STON2: variants seen among roughly 807,000 people sequenced by gnomAD.
STON2 encodes the protein stonin 2.
A neutral mutation model predicts 65.7 loss-of-function variants in STON2; 29 were observed. The ratio of observed to expected loss-of-function variants is 0.44; its 90% CI spans 0.33 to 0.60. STON2 has a LOEUF of 0.60. STON2 is among the 20% of genes least tolerant of loss of function. The pLI, the probability that STON2 is intolerant of heterozygous loss-of-function variation, is 0.03. For missense variants in STON2, 1,054 were observed against 1,118.1 expected (o/e 0.94, Z 0.82); for synonymous variants, 404 against 414.2 (o/e 0.98, Z 0.30).
chr14:81,409,440 T>C (rs1011052537), intron 2 of STON2, among the ~76,000 whole-genome samples: 5 of 150,312 alleles, frequency 3.3e-5, no homozygotes, highest in African/African-American at 1.2e-4. Context: ...AATATATATA[T>C]ATATATTTAC....
In STON2 at chr14:81,346,511, TAC is replaced by T. The variant is rs1331311673; in HGVS notation, c.572-22326_572-22325del. On this transcript the variant is annotated intron_variant, in intron 4 of 7. Coordinates refer to ENST00000614646, the MANE Select transcript of STON2 (RefSeq NM_001394390.1). ...GAGACTTTCTATAGCCACATTTCATTACAGTGTCAAATTTGTTGTTAAGAAAA... is the reference window on the plus strand; with the variant it reads ...GAGACTTTCTATAGCCACATTTCATTAGTGTCAAATTTGTTGTTAAGAAAA... Among the ~76,000 whole-genome samples the T allele has an allele frequency of 2.6e-5, 4 of 152,298 alleles. No individual in the cohort carries two copies. In the East Asian group the frequency reaches 7.7e-4, roughly 29 times the overall value.
At chr14:81,355,299 T>A (rs1244116008) in intron 4 of STON2, among the ~76,000 whole-genome samples, 1 of 150,564 alleles carries the variant, frequency 6.6e-6, no homozygotes, top group Non-Finnish European at 1.5e-5. Context: ...AGTGCAGAAG[T>A]CTCCAATAAA....
At chr14:81,379,426 G>C (rs1047244126) in intron 3 of STON2, among the ~76,000 whole-genome samples, 10 of 152,168 alleles carry the variant, frequency 6.6e-5, no homozygotes, top group African/African-American at 2.2e-4. Context: ...TATGGAGATA[G>C]AGATAAATAG....
At chr14:81,304,567 A>G (rs569645220) in intron 5 of STON2, among the ~76,000 whole-genome samples, 1 of 152,224 alleles carries the variant, frequency 6.6e-6, no homozygotes, top group South Asian at 2.1e-4. Flanking sequence ...CACAAAAAAT[A>G]TCAAAAATTA....
chr14:81,375,897 T>A (rs1417911284), intron 3 of STON2, among the ~76,000 whole-genome samples: 2 of 151,094 alleles, frequency 1.3e-5, no homozygotes, highest in Non-Finnish European at 3.0e-5. Context: ...GGTTAACTAG[T>A]ATCTAGTTGT....
At chr14:81,415,960 C>T (rs1901411404) in intron 2 of STON2, among the ~76,000 whole-genome samples, 1 of 152,202 alleles carries the variant, frequency 6.6e-6, no homozygotes. Flanking sequence ...TACTAAGGAG[C>T]ATGACCAAAG....
At position 81,267,015 on chromosome 14, in the gene STON2, T is replaced by TGTTCATTG; in HGVS notation, c.*1391_*1398dup. On this transcript the variant is annotated 3_prime_UTR_variant, in exon 8 of 8. Transcript: ENST00000614646. ...CAATACACATTTAGACTCCAATGAT[T>TGTTCATTG]GTTCATTGAATACATTAATCTTGAA... 1 of 985,368 alleles carries TGTTCATTG rather than the reference T, an allele frequency of 1.0e-6. No homozygotes were observed. Among genetic ancestry groups the TGTTCATTG allele is most frequent in the Middle Eastern group, 5.2e-4 (1 of 1,914 alleles). The allele number at this position is 985,368 out of a possible 1,614,324, so 61.0% of individuals were successfully genotyped here.
At chr14:81,398,946 T>C (rs944095177) in intron 1 of STON2, among the ~76,000 whole-genome samples, 2 of 152,364 alleles carry the variant, frequency 1.3e-5, no homozygotes, top group African/African-American at 4.8e-5. Flanking sequence ...GCTGGCAAAA[T>C]AAAAGCATGT....
chr14:81,332,186 C>T (rs1450094953), intron 4 of STON2, among the ~76,000 whole-genome samples: 2 of 152,144 alleles, frequency 1.3e-5, no homozygotes, highest in Non-Finnish European at 2.9e-5. Flanking sequence ...CACAGATGGG[C>T]ACTTTTCGGG....
At chr14:81,295,669 C>T (rs1206488849) in intron 5 of STON2, among the ~76,000 whole-genome samples, 1 of 152,166 alleles carries the variant, frequency 6.6e-6, no homozygotes, top group Non-Finnish European at 1.5e-5. Context: ...GTATTCTTTG[C>T]CTCCAATGAA....
rs374418790 is a variant in STON2 at position 81,277,301 on chromosome 14, G to A, written c.2181C>T (p.Cys727=). The stretch of plus-strand genomic sequence containing the variant: ...TCCTGAACCGCATTAGCTCAAACCG[G>A]CACGCATCCAAAGGGTTGAACAGAA... ...RVILFNPLDA[C]RFELMRFRTV... Residue 727 remains cysteine, a synonymous_variant, in exon 6 of 8, where the codon TGC becomes TGT. Coordinates refer to ENST00000614646, the MANE Select transcript of STON2 (RefSeq NM_001394390.1). The A allele has an allele frequency of 1.9e-6, 3 of 1,614,192 alleles. No homozygotes were observed. Among genetic ancestry groups the A allele is most frequent in the East Asian group, 2.2e-5 (1 of 44,886 alleles).
In STON2 at chr14:81,277,152, A is replaced by AG. The variant is rs760038848; in HGVS notation, c.2329dup (p.Leu777ProfsTer7). 1.9e-6 allele frequency: 3 copies of AG among 1,614,190 alleles called. No individual in the cohort carries two copies. Among genetic ancestry groups the AG allele is most frequent in the Non-Finnish European group, 2.5e-6 (3 of 1,180,034 alleles). Reference sequence around the variant, plus strand: ...CACATTCTCACAGGGAACCTGAGTGAGGGGGTCACGATTGGCGGAGAAGCC... The same window carrying AG: ...CACATTCTCACAGGGAACCTGAGTGAGGGGGGTCACGATTGGCGGAGAAGCC... On this transcript the variant is annotated frameshift_variant, in exon 6 of 8. Coordinates refer to ENST00000614646, the MANE Select transcript of STON2 (RefSeq NM_001394390.1). LOFTEE classifies it high-confidence loss of function.
At position 81,261,961 on chromosome 14, in the gene STON2, A is replaced by AAG. The variant is rs539791070; in HGVS notation, c.*6451_*6452dup. 163 of 1,418,916 alleles carry AAG rather than the reference A, an allele frequency of 1.1e-4. No individual in the cohort carries two copies. The highest frequency in any genetic ancestry group is 4.2e-4 in the African/African-American group (29 of 68,636). The allele number at this position is 1,418,916 out of a possible 1,614,324, so 87.9% of individuals were successfully genotyped here. ...GGAAATGATAAAAAAAAAAAAAAAA[A>AAG]AGAGAGAGATGTGAAAAGGAAAAAG... On this transcript the variant is annotated 3_prime_UTR_variant, in exon 8 of 8. Coordinates refer to ENST00000614646, the MANE Select transcript of STON2 (RefSeq NM_001394390.1).
chr14:81,348,240 A>G (rs1897894062), intron 4 of STON2, among the ~76,000 whole-genome samples: 2 of 152,204 alleles, frequency 1.3e-5, no homozygotes, highest in Admixed American at 1.3e-4. Flanking sequence ...CCTATTCATC[A>G]TAGTACTGGA....
chr14:81,390,573 AAAACAAAAAAC>A (rs1900032432), intron 3 of STON2, among the ~76,000 whole-genome samples: 1 of 152,024 alleles, frequency 6.6e-6, no homozygotes, highest in South Asian at 2.1e-4. Context: ...CTCAAAAAAC[AAAACAAAAAAC>A]AAACAAACAA....
intron 2 of STON2, among the ~76,000 whole-genome samples, chr14:81,407,713 G>T (rs1237950407): frequency 2.0e-5 from 3 of 152,060 alleles, no homozygotes; most frequent in Non-Finnish European, 4.4e-5. Flanking sequence ...GCATCTAAAG[G>T]TCAAATCAAA....
intron 5 of STON2, among the ~76,000 whole-genome samples, chr14:81,306,370 A>G (rs1896185413): frequency 7.7e-6 from 1 of 129,214 alleles, no homozygotes; most frequent in African/African-American, 3.0e-5. Context: ...ATGGGACTAC[A>G]GGCGCCATAT....
In STON2 at chr14:81,277,139, G is replaced by C; in HGVS notation, c.2343C>G (p.Pro781=). Residue 781 remains proline, a synonymous_variant, in exon 6 of 8, where the codon CCC becomes CCG. Transcript: ENST00000614646. ...GGTAACGGATCATCACATTCTCACA[G>C]GGAACCTGAGTGAGGGGGTCACGAT... ...SANRDPLTQV[P]CENVMIRYPV... is the part of the protein sequence containing the mutation. 6.2e-7 allele frequency: 1 copy of C among 1,614,144 alleles called. No individual in the cohort carries two copies. The highest frequency in any genetic ancestry group is 8.5e-7 in the Non-Finnish European group (1 of 1,180,042).
intron 3 of STON2, among the ~76,000 whole-genome samples, chr14:81,380,694 C>T (rs1450924456): frequency 6.6e-6 from 1 of 152,160 alleles, no homozygotes; most frequent in Non-Finnish European, 1.5e-5. Flanking sequence ...AGCTGGAGGT[C>T]ATTATCCTAA....
Sources: allele counts gnomAD v4.1 joint callset (sites outside exome capture counted in the v4.1 genomes callset), GRCh38; gene constraint gnomAD v4.1.1; transcripts MANE v1.5; gene names NCBI Gene and HGNC (gene_info 2026-07-23, HGNC 2026-07-21).